The following RBFOX1 variants were observed in gnomAD, a reference collection of about 807,000 sequenced individuals.
RBFOX1 encodes the protein RNA binding fox-1 homolog 1, also known as RNA binding protein fox-1 homolog 1.
Under a neutral mutation model 57.7 loss-of-function variants are expected in RBFOX1, and 8 were observed. That is an observed-to-expected ratio of 0.14 (90% CI 0.08 to 0.25). RBFOX1 has a LOEUF of 0.25. Among genes scored for constraint, RBFOX1 ranks in the 10% least tolerant of loss-of-function variants. The pLI, the probability that RBFOX1 is intolerant of heterozygous loss-of-function variation, is 1.00. For missense variants in RBFOX1, 611 were observed against 548.5 expected (o/e 1.11, Z -1.14); for synonymous variants, 326 against 222.4 (o/e 1.47, Z -4.15).
chr16:5,513,971 C>A (rs921466985), intron 2 of RBFOX1, among the ~76,000 whole-genome samples: 1 of 152,138 alleles, frequency 6.6e-6, no homozygotes, highest in Non-Finnish European at 1.5e-5. Flanking sequence ...AAAATACCAA[C>A]ATGTTAAGGC....
chr16:6,904,579 T>C lies in RBFOX1; in HGVS notation c.-15-147478T>C, dbSNP rs1185751522. On this transcript the variant is annotated intron_variant, in intron 3 of 15. Transcript: ENST00000550418. ...TCATGCCATTGCACTCCAGCCTGGG[T>C]GACAGAGTGAGACTCTCTCTAAAAA... Among the ~76,000 whole-genome samples the C allele has an allele frequency of 3.8e-4, 44 of 116,680 alleles. 1 individual carries two copies. Among genetic ancestry groups the C allele is most frequent in the Admixed American group, 3.7e-3 (29 of 7,754 alleles). 76.5% of individuals were successfully genotyped at this position (116,680 alleles called of 152,430 possible). A position where few individuals can be genotyped will look rare whatever the true frequency, so the allele number is the denominator to read the frequency against.
At chr16:6,650,499 A>G (rs17140832) in intron 2 of RBFOX1, among the ~76,000 whole-genome samples, 6,868 of 152,214 alleles carry the variant, frequency 0.045, 436 homozygotes, top group Admixed American at 0.15. Context: ...GCTAATCACA[A>G]TTATCATGCC....
intron 4 of RBFOX1, among the ~76,000 whole-genome samples, chr16:7,071,921 C>G (rs556394475): frequency 6.6e-6 from 1 of 152,222 alleles, no homozygotes; most frequent in Non-Finnish European, 1.5e-5. Flanking sequence ...CTCTTCACTA[C>G]TACATCTTTT....
intron 4 of RBFOX1, among the ~76,000 whole-genome samples, chr16:5,920,108 C>T (rs1159738462): frequency 1.3e-5 from 2 of 152,062 alleles, no homozygotes; most frequent in Non-Finnish European, 2.9e-5. Flanking sequence ...TAATTTTTTG[C>T]ATTTTTTGGT....
At chr16:5,922,958 C>T (rs185873301) in intron 4 of RBFOX1, among the ~76,000 whole-genome samples, 5 of 152,294 alleles carry the variant, frequency 3.3e-5, no homozygotes, top group Admixed American at 1.3e-4. Context: ...TTCCTTTCTT[C>T]CCAAGTTGAG....
chr16:7,051,650 G>A (rs955256222), intron 3 of RBFOX1, among the ~76,000 whole-genome samples: 1 of 152,160 alleles, frequency 6.6e-6, no homozygotes, highest in Non-Finnish European at 1.5e-5. Flanking sequence ...AAGACTTTGT[G>A]TGTTTTCCAC....
intron 2 of RBFOX1, among the ~76,000 whole-genome samples, chr16:6,345,457 G>T (rs1357018789): frequency 1.3e-5 from 2 of 152,170 alleles, no homozygotes; most frequent in African/African-American, 4.8e-5. Flanking sequence ...AACCGACATG[G>T]CAGGCTGGTG....
At chr16:6,649,759 G>A (rs1349607844) in intron 2 of RBFOX1, among the ~76,000 whole-genome samples, 2 of 152,048 alleles carry the variant, frequency 1.3e-5, no homozygotes, top group African/African-American at 4.8e-5. Context: ...TATTACATAT[G>A]TATATATAAG....
At chr16:7,129,747 C>T (rs998663555) in intron 4 of RBFOX1, among the ~76,000 whole-genome samples, 7 of 147,148 alleles carry the variant, frequency 4.8e-5, no homozygotes, top group African/African-American at 1.8e-4. Flanking sequence ...TTTAAAGTAC[C>T]AGGAGACACG....
At chr16:7,063,727 T>C (rs1310015825) in intron 4 of RBFOX1, among the ~76,000 whole-genome samples, 1 of 152,198 alleles carries the variant, frequency 6.6e-6, no homozygotes, top group Non-Finnish European at 1.5e-5. Context: ...AACACACACC[T>C]GGGTCTGCAC....
intron 2 of RBFOX1, among the ~76,000 whole-genome samples, chr16:6,339,474 G>A (rs1173337961): frequency 2.6e-5 from 4 of 152,138 alleles, no homozygotes; most frequent in Non-Finnish European, 4.4e-5. Context: ...CTTGGAGAGG[G>A]CTAAAATGTG....
intron 3 of RBFOX1, among the ~76,000 whole-genome samples, chr16:6,924,031 A>G (rs1237292969): frequency 1.3e-5 from 2 of 151,858 alleles, no homozygotes; most frequent in Admixed American, 1.3e-4. Flanking sequence ...TTAGTCAGGT[A>G]TGGTGGTACG....
At chr16:5,471,993 G>C (rs962842458) in intron 2 of RBFOX1, among the ~76,000 whole-genome samples, 1 of 152,182 alleles carries the variant, frequency 6.6e-6, no homozygotes, top group Non-Finnish European at 1.5e-5. Context: ...AAAGCAGGCA[G>C]GCTGTTTTTC....
intron 2 of RBFOX1, among the ~76,000 whole-genome samples, chr16:6,615,252 A>C (rs1048479099): frequency 1.3e-5 from 2 of 152,216 alleles, no homozygotes; most frequent in African/African-American, 4.8e-5. Flanking sequence ...TTTAGACTAG[A>C]ATCTCATTCA....
chr16:6,580,434 A>C (rs751239507), intron 2 of RBFOX1, among the ~76,000 whole-genome samples: 1 of 152,228 alleles, frequency 6.6e-6, no homozygotes, highest in Non-Finnish European at 1.5e-5. Flanking sequence ...CTAGTTGATC[A>C]TTAAGCTACA....
At chr16:6,007,201 T>C (rs1237776568) in intron 4 of RBFOX1, among the ~76,000 whole-genome samples, 2 of 152,212 alleles carry the variant, frequency 1.3e-5, no homozygotes, top group East Asian at 3.8e-4. Context: ...TTGATTCACT[T>C]CCCATAAGTG....
At chr16:5,403,563 G>A (rs1025818039) in intron 1 of RBFOX1, among the ~76,000 whole-genome samples, 1 of 152,050 alleles carries the variant, frequency 6.6e-6, no homozygotes, top group East Asian at 1.9e-4. Flanking sequence ...TCCTGCCTCA[G>A]TCTCTCGAGT....
At chr16:5,362,894 C>T (rs550451641) in intron 1 of RBFOX1, among the ~76,000 whole-genome samples, 1 of 152,274 alleles carries the variant, frequency 6.6e-6, no homozygotes, top group African/African-American at 2.4e-5. Flanking sequence ...TAATGTTCCA[C>T]TGTATGAATA....
intron 2 of RBFOX1, among the ~76,000 whole-genome samples, chr16:5,524,732 G>A (rs2151019915): frequency 6.6e-6 from 1 of 152,018 alleles, no homozygotes; most frequent in East Asian, 1.9e-4. Flanking sequence ...GTAGAGACAG[G>A]GTTTCACCGT....
Sources: allele counts gnomAD v4.1 joint callset (sites outside exome capture counted in the v4.1 genomes callset), GRCh38; gene constraint gnomAD v4.1.1; transcripts MANE v1.5; gene names NCBI Gene and HGNC (gene_info 2026-07-23, HGNC 2026-07-21).